The following PGLS variants were observed in gnomAD, a reference collection of about 807,000 sequenced individuals.
The protein encoded by PGLS is 6-phosphogluconolactonase.
Under a neutral mutation model 23.2 loss-of-function variants are expected in PGLS, and 21 were observed. The ratio of observed to expected loss-of-function variants is 0.91; its 90% CI spans 0.64 to 1.31. The LOEUF is 1.31. Ranked by LOEUF, PGLS falls within the 50% of genes most tolerant of loss-of-function variation. The pLI is 0.00. For missense variants in PGLS, 410 were observed against 354.0 expected (o/e 1.16, Z -1.27); for synonymous variants, 179 against 165.4 (o/e 1.08, Z -0.63).
At chr19:17,517,233 C>T (rs1293896968) in intron 2 of PGLS, 55 bp from the exon 3 acceptor site, 2 of 1,083,772 alleles carry the variant, frequency 1.8e-6, no homozygotes, top group African/African-American at 3.1e-5. Flanking sequence ...TCCTCTGAGT[C>T]TCCCCTGCCC....
Position 17,520,931 on chromosome 19 carries a change from C to T in PGLS, c.640-13C>T. The T allele has an allele frequency of 1.3e-6, 2 of 1,585,292 alleles. No individual in the cohort carries two copies. Among genetic ancestry groups the T allele is most frequent in the South Asian group, 1.1e-5 (1 of 87,204 alleles). ...CCGCAGGCAGGGCCTTACTCTTCTGCCCTCTTCTTCAGCGCATTTTGGAGG... is the reference window on the plus strand; with the variant it reads ...CCGCAGGCAGGGCCTTACTCTTCTGTCCTCTTCTTCAGCGCATTTTGGAGG... On this transcript the variant is annotated splice_polypyrimidine_tract_variant and intron_variant, in intron 4 of 4. Transcript: ENST00000252603.
chr19:17,518,430 T>C (rs2075543307), intron 4 of PGLS: 1 of 152,214 alleles, frequency 6.6e-6, no homozygotes, highest in Non-Finnish European at 1.5e-5. Flanking sequence ...CATTACAGCA[T>C]TAAAAATAAA....
chr19:17,518,559 C>A (rs942262754), intron 4 of PGLS: 1 of 151,876 alleles, frequency 6.6e-6, no homozygotes, highest in African/African-American at 2.4e-5. Flanking sequence ...GAGACAGAGT[C>A]TCCCTCTGTC....
chr19:17,517,540 C>A, intron 3 of PGLS, 151 bp downstream of exon 3: 1 of 948,002 alleles, frequency 1.1e-6, no homozygotes, highest in Non-Finnish European at 1.6e-6. Context: ...GGGCTCAATC[C>A]TTTCAGGTCT....
chr19:17,511,747 G>A lies in PGLS; in HGVS notation c.75G>A (p.Leu25=), dbSNP rs913188452. Reference sequence around the variant, plus strand: ...AGCTGGGTGCGGCGCTAGCGCAGCTGGTGGCCCAGCGCGCAGCATGCTGCC... The same window carrying A: ...AGCTGGGTGCGGCGCTAGCGCAGCTAGTGGCCCAGCGCGCAGCATGCTGCC... ...SQELGAALAQ[L]VAQRAACCLA... is the part of the protein sequence containing the mutation. Residue 25 remains leucine (L), a synonymous_variant, in exon 1 of 5, where the codon CTG becomes CTA. Transcript: ENST00000252603. The A allele has an allele frequency of 3.3e-6, 5 of 1,504,124 alleles. No homozygotes were observed. The African/African-American group carries it at 5.8e-5, about 18-fold the overall frequency. 93.2% of individuals were successfully genotyped at this position (1,504,124 alleles called of 1,614,324 possible).
intron 1 of PGLS, among the ~76,000 whole-genome samples, chr19:17,513,694 C>A (rs915458542): frequency 1.3e-5 from 2 of 152,166 alleles, no homozygotes; most frequent in Non-Finnish European, 2.9e-5. Context: ...TGGCGTGTGC[C>A]TGTAATCCCG....
In PGLS at chr19:17,514,416, T is replaced by C. The variant is rs2889138; in HGVS notation, c.289-1757T>C. On this transcript the variant is annotated intron_variant, in intron 1 of 4. Transcript: ENST00000252603. Reference sequence around the variant, plus strand: ...TACATCTGCAAAGACCCTATTTCCTTCCTTCCTTCCCTCCTTCCCTCCCTT... The same window carrying C: ...TACATCTGCAAAGACCCTATTTCCTCCCTTCCTTCCCTCCTTCCCTCCCTT... Among the ~76,000 whole-genome samples the C allele has an allele frequency of 8.2e-3, 1,250 of 152,142 alleles. 11 individuals are homozygous for C. The highest frequency in any genetic ancestry group is 0.018 in the Admixed American group (267 of 15,246).
chr19:17,515,584 G>A (rs1170549034), intron 1 of PGLS, among the ~76,000 whole-genome samples: 2 of 152,182 alleles, frequency 1.3e-5, no homozygotes, highest in Non-Finnish European at 1.5e-5. Flanking sequence ...GCAGGTGCAG[G>A]CGGGGGTGGC....
rs2144639647 is a variant in PGLS, at chr19:17,511,909, C to T, written c.237C>T (p.Asp79=). The T allele has an allele frequency of 6.5e-7, 1 of 1,545,188 alleles. No homozygotes were observed. Among genetic ancestry groups the T allele is most frequent in the Non-Finnish European group, 8.7e-7 (1 of 1,146,572 alleles). ...SLARWTLGFC[D]ERLVPFDHAE... ...CGCGCTGGACGCTGGGCTTCTGCGA[C>T]GAGCGCCTCGTGCCCTTCGATCACG... The change falls in exon 1 of 5, where the codon GAC becomes GAT. Residue 79 remains aspartate, a synonymous_variant. Transcript: ENST00000252603.
chr19:17,521,048 G>C lies in PGLS; in HGVS notation c.744G>C (p.Leu248=), dbSNP rs1285767128. ...TGGACGAGGCGGCCGCCCGCCTCCT[G>C]ACCGTGCCCTTCGAGAAGCATTCCA... The part of the protein sequence containing the change: ...WFLDEAAARL[L]TVPFEKHSTL Residue 248 remains leucine, a synonymous_variant, in exon 5 of 5, where the codon CTG becomes CTC. Coordinates refer to ENST00000252603, the MANE Select transcript of PGLS (RefSeq NM_012088.3). 2.5e-6 allele frequency: 4 copies of C among 1,603,286 alleles called. No homozygotes were observed. In the East Asian group the frequency reaches 9.0e-5, roughly 36 times the overall value.
rs1302055862 is a variant in PGLS at position 17,517,755 on chromosome 19, C to T, written c.544C>T (p.Pro182Ser). 6.2e-7 allele frequency: 1 copy of T among 1,614,046 alleles called. No homozygotes were observed. The highest frequency in any genetic ancestry group is 1.3e-5 in the African/African-American group (1 of 74,938). Residue 182 changes from proline (P) to serine (S), a missense_variant, in exon 4 of 5, where the codon CCG becomes TCG. Transcript: ENST00000252603. ...TCCCATCAGTGACTCCCCGAAGCCA[C>T]CGCCACAGCGTGTGACCCTCACACT... is the stretch of plus-strand genomic sequence containing the variant. ...VAPISDSPKP[P>S]PQRVTLTLPV...
chr19:17,519,040 G>A lies in PGLS; in HGVS notation c.639+1190G>A, dbSNP rs571523425. 3.5e-3 allele frequency among the ~76,000 whole-genome samples: 526 copies of A among 152,130 alleles called. 6 individuals carry two copies. Among genetic ancestry groups the A allele is most frequent in the African/African-American group, 0.012 (496 of 41,520 alleles). On this transcript the variant is annotated intron_variant, in intron 4 of 4. Transcript: ENST00000252603. ...CCAAAAAAAATAAATCAGGCGGGGCGCGGTGGCTTATGCCTGTAATCCCAG... is the reference window on the plus strand; with the variant it reads ...CCAAAAAAAATAAATCAGGCGGGGCACGGTGGCTTATGCCTGTAATCCCAG...
At chr19:17,516,671 G>A (rs1599689886) in intron 2 of PGLS, among the ~76,000 whole-genome samples, 1 of 150,756 alleles carries the variant, frequency 6.6e-6, no homozygotes, top group African/African-American at 2.4e-5. Flanking sequence ...TGCAAGCTCC[G>A]CCTCCCGGGT....
At chr19:17,512,032 G>A in intron 1 of PGLS, 72 bp downstream of exon 1, 1 of 1,415,650 alleles carries the variant, frequency 7.1e-7, no homozygotes, top group East Asian at 2.8e-5. Flanking sequence ...CGGCTACGGA[G>A]GCCGCCGGGG....
At chr19:17,517,643 G>A in intron 3 of PGLS, 67 bp from the exon 4 acceptor site, 1 of 1,554,752 alleles carries the variant, frequency 6.4e-7, no homozygotes, top group Non-Finnish European at 8.8e-7. Flanking sequence ...GGCCTGGTGT[G>A]TGTAAGTGTC....
chr19:17,517,418 T>C (rs781338017), intron 3 of PGLS, 29 bp downstream of exon 3: 1 of 1,534,390 alleles, frequency 6.5e-7, no homozygotes, highest in Admixed American at 1.7e-5. Context: ...GGTTCCACCC[T>C]AGTCCTGAGC....
At chr19:17,514,100 G>A (rs556248767) in intron 1 of PGLS, among the ~76,000 whole-genome samples, 2 of 152,322 alleles carry the variant, frequency 1.3e-5, no homozygotes, top group African/African-American at 4.8e-5. Flanking sequence ...CAAACTGAGC[G>A]GCTTAAAGCC....
rs1479226836 is a variant in PGLS, at chr19:17,520,971, C to T, written c.667C>T (p.Pro223Ser). 6.3e-7 allele frequency: 1 copy of T among 1,597,070 alleles called. No homozygotes were observed. Among genetic ancestry groups the T allele is most frequent in the Admixed American group, 1.7e-5 (1 of 58,010 alleles). ...CATTTTGGAGGACCAGGAGGAAAAC[C>T]CGCTGCCCGCCGCCCTGGTCCAGCC... Reference protein sequence around the residue: ...KRILEDQEENPLPAALVQPHT... With the variant: ...KRILEDQEENSLPAALVQPHT... The change falls in exon 5 of 5, where the codon CCG (proline) becomes TCG (serine). Residue 223 changes from proline (P) to serine (S), a missense_variant. Transcript: ENST00000252603.
chr19:17,515,414 G>A (rs1451341422), intron 1 of PGLS, among the ~76,000 whole-genome samples: 3 of 152,008 alleles, frequency 2.0e-5, no homozygotes, highest in Non-Finnish European at 4.4e-5. Context: ...CCCCTGGGGC[G>A]CCTCTCAGTG....
Sources: gnomAD v4.1 joint callset for allele counts (sites outside exome capture counted in the v4.1 genomes callset) on GRCh38, gnomAD v4.1.1 for gene constraint, MANE v1.5 for transcripts, NCBI Gene and HGNC (gene_info 2026-07-23, HGNC 2026-07-21) for gene names.